Variants in DACH2 observed in about 807,000 individuals in gnomAD.
DACH2 encodes the protein dachshund homolog 2.
In DACH2, 17 loss-of-function variants were observed where a neutral mutation model predicts 35.8. The ratio of observed to expected loss-of-function variants is 0.48; its 90% CI spans 0.33 to 0.71. DACH2 has a LOEUF of 0.71. Ranked by LOEUF, DACH2 falls within the 30% of genes least tolerant of loss-of-function variation. DACH2 has a pLI of 0.02. For missense variants in DACH2, 469 were observed against 472.7 expected (o/e 0.99, Z 0.07); for synonymous variants, 195 against 177.3 (o/e 1.10, Z -0.79).
intron 5 of DACH2, among the ~76,000 whole-genome samples, chrX:86,711,014 G>C (rs1475329864): frequency 3.6e-5 from 4 of 112,144 alleles, no homozygotes; most frequent in Non-Finnish European, 7.5e-5. Flanking sequence ...TTCATGGCTA[G>C]AAGGAGGTGG....
At chrX:86,395,345 C>T (rs979847483) in intron 2 of DACH2, among the ~76,000 whole-genome samples, 9 of 110,989 alleles carry the variant, frequency 8.1e-5, no homozygotes, top group African/African-American at 2.9e-4. Flanking sequence ...TTATGTGATA[C>T]AACAAACTAT....
At chrX:86,463,091 A>G (rs766256051) in intron 2 of DACH2, among the ~76,000 whole-genome samples, 7 of 111,598 alleles carry the variant, frequency 6.3e-5, no homozygotes, top group African/African-American at 1.9e-4. Context: ...GCACTACGAT[A>G]GAAACTAACC....
chrX:86,643,345 C>A (rs1037221938), intron 3 of DACH2, among the ~76,000 whole-genome samples: 6 of 110,533 alleles, frequency 5.4e-5, no homozygotes, highest in African/African-American at 2.0e-4. Flanking sequence ...TTTCTACACA[C>A]ACAAACTAGA....
chrX:86,653,251 C>A (rs1026350046), intron 4 of DACH2, among the ~76,000 whole-genome samples: 1 of 111,890 alleles, frequency 8.9e-6, no homozygotes, highest in East Asian at 2.8e-4. Flanking sequence ...AGGTCTGTGA[C>A]TTTATTTCTG....
intron 3 of DACH2, among the ~76,000 whole-genome samples, chrX:86,577,342 T>C (rs1321763976): frequency 9.0e-6 from 1 of 111,063 alleles, no homozygotes; most frequent in African/African-American, 3.3e-5. Context: ...ACTATAGCCT[T>C]CTTTATAGCA....
intron 1 of DACH2, among the ~76,000 whole-genome samples, chrX:86,364,756 A>G (rs140002754): frequency 1.8e-5 from 2 of 111,545 alleles, no homozygotes; most frequent in Non-Finnish European, 3.8e-5. Flanking sequence ...ATTTGTTTGA[A>G]TTAAGAGATA....
At chrX:86,420,572 G>A (rs868546998) in intron 2 of DACH2, among the ~76,000 whole-genome samples, 16 of 111,064 alleles carry the variant, frequency 1.4e-4, no homozygotes, top group African/African-American at 4.2e-4. Context: ...ATAAAAAACC[G>A]AACCTGTCAT....
chrX:86,491,930 A>G (rs749221437), intron 2 of DACH2, among the ~76,000 whole-genome samples: 45 of 111,834 alleles, frequency 4.0e-4, no homozygotes, highest in Non-Finnish European at 7.5e-4. Context: ...AATGATAGTC[A>G]TATAATTAAT....
chrX:86,165,477 C>T (rs1238794442), intron 1 of DACH2, among the ~76,000 whole-genome samples: 1 of 111,065 alleles, frequency 9.0e-6, no homozygotes, highest in Non-Finnish European at 1.9e-5. Flanking sequence ...TTCTCTACAT[C>T]CTCACCAGTA....
chrX:86,642,272 C>T (rs1042983286), intron 3 of DACH2, among the ~76,000 whole-genome samples: 4 of 111,060 alleles, frequency 3.6e-5, no homozygotes, highest in Non-Finnish European at 7.6e-5. Flanking sequence ...ATCTATCAAG[C>T]AAATGGAAAA....
At chrX:86,475,144 T>A (rs2037822780) in intron 2 of DACH2, among the ~76,000 whole-genome samples, 1 of 111,582 alleles carries the variant, frequency 9.0e-6, no homozygotes, top group Admixed American at 9.6e-5. Flanking sequence ...TTACTCGGGA[T>A]AGTTTTGGTT....
intron 1 of DACH2, among the ~76,000 whole-genome samples, chrX:86,179,008 T>A (rs1209533113): frequency 2.7e-5 from 3 of 112,094 alleles, no homozygotes; most frequent in Non-Finnish European, 1.9e-5. Context: ...ATGTTGACTT[T>A]CTAGGCTGAT....
chrX:86,591,327 GGT>G (rs1217560811), intron 3 of DACH2, among the ~76,000 whole-genome samples: 1 of 110,892 alleles, frequency 9.0e-6, no homozygotes, highest in Non-Finnish European at 1.9e-5. Context: ...TAATCCTTTG[GGT>G]ATACACCCAG....
At chrX:86,705,044 A>ATCTCACATATATATATATATC (rs1569470561) in intron 5 of DACH2, among the ~76,000 whole-genome samples, 6 of 105,572 alleles carry the variant, frequency 5.7e-5, no homozygotes, top group Admixed American at 1.0e-4. Context: ...ATATATATAT[A>ATCTCACATATATATATATATC]TCTCACATAT....
chrX:86,251,480 C>G (rs1226151703), intron 1 of DACH2, among the ~76,000 whole-genome samples: 1 of 110,602 alleles, frequency 9.0e-6, no homozygotes, highest in Non-Finnish European at 1.9e-5. Context: ...GTATTTTATC[C>G]CTCACCACTC....
rs1181976219 is a variant in DACH2 at position 86,446,952 on chromosome X, A to G, written c.528-67327A>G. On this transcript the variant is annotated intron_variant, in intron 2 of 11. Coordinates refer to ENST00000373125, the MANE Select transcript of DACH2 (RefSeq NM_053281.3). ...CCTATTTCTCCGCATCCTCTCCAGC[A>G]CCTGTTGTTTCCTGACTTTTTAATG... Among the ~76,000 whole-genome samples, 58 of 83,672 alleles carry G rather than the reference A, an allele frequency of 6.9e-4. 2 individuals are homozygous for G. The highest frequency in any genetic ancestry group is 1.6e-3 in the South Asian group (2 of 1,266). 72.7% of individuals were successfully genotyped at this position (83,672 alleles called of 115,157 possible). A position where few individuals can be genotyped will look rare whatever the true frequency, so the allele number is the denominator to read the frequency against.
At chrX:86,645,939 A>G (rs945110607) in intron 3 of DACH2, among the ~76,000 whole-genome samples, 1 of 110,745 alleles carries the variant, frequency 9.0e-6, no homozygotes, top group African/African-American at 3.3e-5. Flanking sequence ...AAAAAAGATA[A>G]CTATTGAGTA....
intron 1 of DACH2, among the ~76,000 whole-genome samples, chrX:86,349,902 A>G (rs1353653049): frequency 1.8e-5 from 2 of 112,025 alleles, no homozygotes; most frequent in Non-Finnish European, 3.8e-5. Flanking sequence ...GTGGTGGCTC[A>G]CGCCTGTAAT....
At chrX:86,808,006 G>C (rs1413835679) in intron 7 of DACH2, among the ~76,000 whole-genome samples, 1 of 111,790 alleles carries the variant, frequency 8.9e-6, no homozygotes, top group East Asian at 2.8e-4. Context: ...AGGACAGTGG[G>C]AATGCCTTTC....
Sources: allele counts gnomAD v4.1 joint callset (sites outside exome capture counted in the v4.1 genomes callset), GRCh38; gene constraint gnomAD v4.1.1; transcripts MANE v1.5; gene names NCBI Gene and HGNC (gene_info 2026-07-23, HGNC 2026-07-21).